Variants in WWC2 observed in about 807,000 individuals in gnomAD.
WWC2 encodes protein WWC2.
A neutral mutation model predicts 138.5 loss-of-function variants in WWC2; 101 were observed. That is an observed-to-expected ratio of 0.73 (90% confidence interval 0.62 to 0.86). The LOEUF (loss-of-function observed/expected upper bound fraction) is 0.86, where lower values mean the gene tolerates loss of function less well. Ranked by LOEUF, WWC2 falls within the 40% of genes least tolerant of loss-of-function variation. The pLI, the probability that WWC2 is intolerant of heterozygous loss-of-function variation, is 0.00. For synonymous variants in WWC2, 558 were observed against 538.4 expected (o/e 1.04, Z -0.50); for missense variants, 1,420 against 1,419.4 (o/e 1.00, Z -0.01).
intron 2 of WWC2, among the ~76,000 whole-genome samples, chr4:183,195,530 T>C (rs945878396): frequency 6.6e-6 from 1 of 152,240 alleles, no homozygotes; most frequent in Non-Finnish European, 1.5e-5. Context: ...CATTCTCTCC[T>C]GTTTGGTATC....
At chr4:183,259,759 T>C in intron 10 of WWC2, 31 bp downstream of exon 10, 1 of 1,403,460 alleles carries the variant, frequency 7.1e-7, no homozygotes, top group Non-Finnish European at 9.8e-7. Flanking sequence ...AGGGGAAAGC[T>C]TTTCTCCGAA....
chr4:183,291,957 G>A (rs186648728), intron 21 of WWC2, among the ~76,000 whole-genome samples: 1 of 151,954 alleles, frequency 6.6e-6, no homozygotes, highest in East Asian at 1.9e-4. Flanking sequence ...CAGCTGAGGT[G>A]GGAGAATCAC....
At chr4:183,139,421 A>G (rs1192105361) in intron 1 of WWC2, among the ~76,000 whole-genome samples, 1 of 152,150 alleles carries the variant, frequency 6.6e-6, no homozygotes, top group Non-Finnish European at 1.5e-5. Context: ...AACATGTCCA[A>G]AAATGAACTC....
intron 1 of WWC2, among the ~76,000 whole-genome samples, chr4:183,143,851 G>T (rs1171079704): frequency 6.6e-6 from 1 of 151,998 alleles, no homozygotes; most frequent in Admixed American, 6.6e-5. Context: ...ACATTTTAAG[G>T]CAAGAATTAT....
chr4:183,126,656 T>C (rs1191534688), intron 1 of WWC2, among the ~76,000 whole-genome samples: 1 of 152,192 alleles, frequency 6.6e-6, no homozygotes, highest in Non-Finnish European at 1.5e-5. Context: ...TCAAACCTAG[T>C]AGAGTGAATA....
At chr4:183,240,513 C>T (rs1031985329) in intron 5 of WWC2, 7 of 353,558 alleles carry the variant, frequency 2.0e-5, no homozygotes, top group African/African-American at 1.5e-4. Context: ...AGTGAAAAGC[C>T]TTTGTCTTAC....
Position 183,274,121 on chromosome 4 carries a change from A to C in WWC2, c.2562+2880A>C, listed in dbSNP as rs535698539. 3.3e-5 allele frequency among the ~76,000 whole-genome samples: 5 copies of C among 152,346 alleles called. No homozygotes were observed. In the South Asian group the frequency reaches 1.0e-3, roughly 32 times the overall value. ...CTAGTACTGCACTGCTTTGATTACT[A>C]TAGCTTTGTAGTCATTTTGAGATCA... On this transcript the variant is annotated intron_variant, in intron 16 of 22. Coordinates refer to ENST00000403733, the MANE Select transcript of WWC2 (RefSeq NM_024949.6).
At chr4:183,132,047 T>A (rs1057144719) in intron 1 of WWC2, among the ~76,000 whole-genome samples, 5 of 152,172 alleles carry the variant, frequency 3.3e-5, no homozygotes, top group Non-Finnish European at 5.9e-5. Flanking sequence ...TTAGTTCTTT[T>A]ATTTATTTCT....
chr4:183,109,754 T>G (rs1375994808), intron 1 of WWC2, among the ~76,000 whole-genome samples: 5 of 152,214 alleles, frequency 3.3e-5, no homozygotes, highest in African/African-American at 9.6e-5. Flanking sequence ...AACCCCTGAT[T>G]TATTCCACAA....
chr4:183,236,551 A>T (rs1012928753), intron 4 of WWC2, among the ~76,000 whole-genome samples: 4 of 152,190 alleles, frequency 2.6e-5, no homozygotes, highest in African/African-American at 7.2e-5. Context: ...ATTGGCCAAC[A>T]CTCAGTTATT....
At position 183,271,209 on chromosome 4, in the gene WWC2, C is replaced by G. The variant is rs1272004285; in HGVS notation, c.2530C>G (p.Pro844Ala). ...NEENEDSVFQPNQPLVDSIDL... is the reference protein window; with the variant it reads ...NEENEDSVFQANQPLVDSIDL... Reference sequence around the variant, plus strand: ...AGAAAATGAGGACTCTGTATTTCAACCAAACCAGCCGTTAGTAGATTCTAT... The same window carrying G: ...AGAAAATGAGGACTCTGTATTTCAAGCAAACCAGCCGTTAGTAGATTCTAT... Residue 844 changes from proline to alanine, a missense_variant, in exon 16 of 23, where the codon CCA becomes GCA. Transcript: ENST00000403733. 3 of 1,612,334 alleles carry G rather than the reference C, an allele frequency of 1.9e-6. No homozygotes were observed. In the East Asian group the frequency reaches 6.7e-5, roughly 36 times the overall value.
intron 11 of WWC2, among the ~76,000 whole-genome samples, chr4:183,263,544 A>G (rs1194503530): frequency 6.6e-6 from 1 of 152,244 alleles, no homozygotes; most frequent in Non-Finnish European, 1.5e-5. Context: ...GAGAAAATAC[A>G]TCCAAGAGCT....
Position 183,266,010 on chromosome 4 carries a change from T to A in WWC2, c.2207+59T>A. ...CTTAAACATTTCCATGTAAGAGAATTTTACACTGTAATCATACAGTTCATC... is the reference window on the plus strand; with the variant it reads ...CTTAAACATTTCCATGTAAGAGAATATTACACTGTAATCATACAGTTCATC... On this transcript the variant is annotated intron_variant, in intron 14 of 22. Transcript: ENST00000403733. 4 of 1,438,200 alleles carry A rather than the reference T, an allele frequency of 2.8e-6. No homozygotes were observed. In the South Asian group the frequency reaches 4.9e-5, roughly 18 times the overall value. 89.1% of individuals were successfully genotyped at this position (1,438,200 alleles called of 1,614,324 possible).
chr4:183,201,058 A>G (rs779884200), intron 2 of WWC2, among the ~76,000 whole-genome samples: 8 of 152,226 alleles, frequency 5.3e-5, no homozygotes, highest in Non-Finnish European at 1.2e-4. Context: ...TTGGAAATAG[A>G]TATAGGTATT....
At chr4:183,299,278 C>A (rs566507038) in intron 21 of WWC2, among the ~76,000 whole-genome samples, 6 of 152,252 alleles carry the variant, frequency 3.9e-5, no homozygotes, top group South Asian at 4.1e-4. Flanking sequence ...AATACCGTTA[C>A]AATGGCAATT....
chr4:183,282,889 A>G lies in WWC2; in HGVS notation c.2866A>G (p.Thr956Ala). 2.5e-6 allele frequency: 4 copies of G among 1,583,014 alleles called. No homozygotes were observed. The highest frequency in any genetic ancestry group is 1.7e-4 in the Middle Eastern group (1 of 6,018). ...CAAAGACCTCAGAAGTCAGCCACCT[A>G]CTAGAATACCAACACTGGTGACTAT... ...CAKDLRSQPP[T>A]RIPTLVDKET... The change falls in exon 18 of 23, where the codon ACT becomes GCT. Residue 956 changes from threonine (T) to alanine (A), a missense_variant. Physicochemically the swap from Thr to Ala is moderately conservative, Grantham distance 58. Transcript: ENST00000403733.
chr4:183,282,601 A>G lies in WWC2; in HGVS notation c.2685-107A>G, dbSNP rs747556518. 6.3e-5 allele frequency: 72 copies of G among 1,146,062 alleles called. 1 individual carries two copies. The highest frequency in any genetic ancestry group is 8.3e-5 in the Non-Finnish European group (66 of 798,162). The allele number at this position is 1,146,062 out of a possible 1,614,324, so 71.0% of individuals were successfully genotyped here. ...CCCAGCCAAAGAAATGGCTTGGCTC[A>G]TTGTGTGAGTCTGTTTATTTCCCAG... is the stretch of plus-strand genomic sequence containing the variant. On this transcript the variant is annotated intron_variant, in intron 17 of 22. Transcript: ENST00000403733.
intron 4 of WWC2, among the ~76,000 whole-genome samples, chr4:183,237,091 A>G (rs1430934748): frequency 1.3e-5 from 2 of 152,194 alleles, no homozygotes; most frequent in African/African-American, 4.8e-5. Context: ...GTTTTAAGAA[A>G]GTTTACGAAT....
At chr4:183,139,854 C>T (rs577778832) in intron 1 of WWC2, among the ~76,000 whole-genome samples, 3 of 152,258 alleles carry the variant, frequency 2.0e-5, no homozygotes, top group South Asian at 2.1e-4. Flanking sequence ...ATTCTGTTTC[C>T]GAGGCTGGAG....
Sources: gnomAD v4.1 joint callset for allele counts (sites outside exome capture counted in the v4.1 genomes callset) on GRCh38, gnomAD v4.1.1 for gene constraint, MANE v1.5 for transcripts, NCBI Gene and HGNC (gene_info 2026-07-23, HGNC 2026-07-21) for gene names.